The following MTA3 variants were observed in gnomAD, a reference collection of about 807,000 sequenced individuals.
The protein encoded by MTA3 is metastasis associated 1 family member 3, also known as metastasis-associated protein MTA3.
A neutral mutation model predicts 83.5 loss-of-function variants in MTA3; 34 were observed. That is an observed-to-expected ratio of 0.41 (90% CI 0.31 to 0.54). The LOEUF is 0.54. Among genes scored for constraint, MTA3 ranks in the 20% least tolerant of loss-of-function variants. MTA3 has a pLI of 0.33. For synonymous variants in MTA3, 303 were observed against 252.7 expected, an observed-to-expected ratio of 1.20 and a Z score of -1.89; for missense variants, 761 against 726.4, an observed-to-expected ratio of 1.05 and a Z score of -0.55.
At chr2:42,734,863 A>T (rs751858694) in intron 16 of MTA3, among the ~76,000 whole-genome samples, 5 of 152,062 alleles carry the variant, frequency 3.3e-5, no homozygotes, top group Non-Finnish European at 7.4e-5. Context: ...CTACACTTTA[A>T]CTTCATCCCC....
chr2:42,543,196 G>A lies in MTA3; in HGVS notation c.-140-27241G>A, dbSNP rs538744469. ...TCTTAAACAATTTTTTTTGTTTTTT[G>A]AGACAGAGTCTCCCTCTGTCGCCCA... On this transcript the variant is annotated intron_variant, in intron 2 of 17. Transcript: ENST00000405592. 1.3e-3 allele frequency among the ~76,000 whole-genome samples: 190 copies of A among 151,644 alleles called. 2 individuals carry two copies. The Middle Eastern group carries it at 0.014, about 11-fold the overall frequency.
rs969944415 is a variant in MTA3, at chr2:42,755,553, A to T, written c.*2154A>T. 60 of 985,126 alleles carry T rather than the reference A, an allele frequency of 6.1e-5. No homozygotes were observed. Among genetic ancestry groups the T allele is most frequent in the Non-Finnish European group, 1.2e-5 (10 of 829,794 alleles). 61.0% of individuals were successfully genotyped at this position (985,126 alleles called of 1,614,324 possible). The stretch of plus-strand genomic sequence containing the variant: ...CGTGGTTCTGTAGTCCAGTCATCCT[A>T]GGAGGGTGATGTTGACTGAGACTTC... On this transcript the variant is annotated 3_prime_UTR_variant, in exon 17 of 17. Coordinates refer to ENST00000405094, the MANE Select transcript of MTA3 (RefSeq NM_001330442.2).
intron 4 of MTA3, among the ~76,000 whole-genome samples, chr2:42,628,889 G>A (rs1193221152): frequency 6.6e-6 from 1 of 150,578 alleles, no homozygotes; most frequent in African/African-American, 2.4e-5. Context: ...AATATTTTAT[G>A]TGTAAGCAGA....
intron 2 of MTA3, chr2:42,533,061 A>G (rs62144826): frequency 0.34 from 57,977 of 172,648 alleles, 10,327 homozygotes; most frequent in African/African-American, 0.41. Context: ...CACTTTTGCC[A>G]TGGTAACACT....
At position 42,518,804 on chromosome 2, in the gene MTA3, A is replaced by C. The variant is rs547560758; in HGVS notation, c.-141+23550A>C. Among the ~76,000 whole-genome samples the C allele has an allele frequency of 3.3e-4, 50 of 152,126 alleles. No individual in the cohort carries two copies. In the South Asian group the frequency reaches 1.0e-2, roughly 30 times the overall value. On this transcript the variant is annotated intron_variant, in intron 2 of 17. Transcript: ENST00000405592. ...AACATAGGGAGACCTCATCCCTACA[A>C]ATAATTTAAAAATTAGCCAGGCATG... is the stretch of plus-strand genomic sequence containing the variant.
Position 42,753,383 on chromosome 2 carries a change from G to A in MTA3, c.1769G>A (p.Cys590Tyr). The change falls in exon 17 of 17, where the codon TGC becomes TAC. Residue 590 changes from cysteine (C) to tyrosine (Y), a missense_variant. Physicochemically the swap from Cys to Tyr is radical, Grantham distance 194. Coordinates refer to ENST00000405094, the MANE Select transcript of MTA3 (RefSeq NM_001330442.2). ...SHHNGLDELT[C>Y]CVSD ...TACTTCCCTTTTCTAGAACTCACGT[G>A]CTGTGTGTCAGACTGAGCTTTCCCT... The A allele has an allele frequency of 1.3e-6, 2 of 1,550,578 alleles. No individual in the cohort carries two copies. Among genetic ancestry groups the A allele is most frequent in the Non-Finnish European group, 1.7e-6 (2 of 1,146,982 alleles).
chr2:42,505,767 A>G (rs535724706), intron 2 of MTA3, among the ~76,000 whole-genome samples: 1 of 128,832 alleles, frequency 7.8e-6, no homozygotes, highest in Non-Finnish European at 1.6e-5. Context: ...CCACAAATTG[A>G]TAATTTTTTT....
At chr2:42,503,837 C>A (rs1293100654) in intron 2 of MTA3, among the ~76,000 whole-genome samples, 1 of 151,902 alleles carries the variant, frequency 6.6e-6, no homozygotes, top group South Asian at 2.1e-4. Flanking sequence ...TAGCAAGCCC[C>A]CATCATTTAA....
chr2:42,742,068 C>T (rs971578631), intron 16 of MTA3, among the ~76,000 whole-genome samples: 42 of 151,904 alleles, frequency 2.8e-4, no homozygotes, highest in African/African-American at 9.9e-4. Flanking sequence ...TATATGTTTG[C>T]GAATGCATAG....
chr2:42,523,168 C>T (rs1675501268), intron 2 of MTA3, among the ~76,000 whole-genome samples: 1 of 152,044 alleles, frequency 6.6e-6, no homozygotes, highest in Non-Finnish European at 1.5e-5. Flanking sequence ...AATGTATATT[C>T]CTTGAACTTG....
chr2:42,654,038 G>T (rs1688943260), intron 6 of MTA3, among the ~76,000 whole-genome samples: 2 of 152,216 alleles, frequency 1.3e-5, no homozygotes, highest in South Asian at 4.1e-4. Context: ...AATGTTGAGT[G>T]TCTTGTCTTG....
intron 3 of MTA3, among the ~76,000 whole-genome samples, chr2:42,589,537 A>C (rs1680720475): frequency 6.6e-6 from 1 of 152,084 alleles, no homozygotes; most frequent in South Asian, 2.1e-4. Context: ...TACATCTGTA[A>C]GGTAACCACC....
chr2:42,628,955 A>G (rs533519925), intron 4 of MTA3, among the ~76,000 whole-genome samples: 5 of 152,282 alleles, frequency 3.3e-5, no homozygotes, highest in South Asian at 2.1e-4. Flanking sequence ...TAGTCGGTAG[A>G]TGGGAGTAGA....
chr2:42,579,222 A>T (rs765815844), intron 3 of MTA3, 22 bp downstream of exon 3: 2 of 1,528,870 alleles, frequency 1.3e-6, no homozygotes, highest in Non-Finnish European at 1.8e-6. Context: ...TTCTCTGATT[A>T]AAAAAACGTT....
rs555810822 is a variant in MTA3, at chr2:42,592,023, G to A, written c.190+12823G>A. Among the ~76,000 whole-genome samples, 8 of 152,286 alleles carry A rather than the reference G, an allele frequency of 5.3e-5. No individual in the cohort carries two copies. The East Asian group carries it at 5.8e-4, about 11-fold the overall frequency. On this transcript the variant is annotated intron_variant, in intron 3 of 16. Transcript: ENST00000405094. ...TCACGCCTGTAATCCCAGCACTTTG[G>A]GGGGCTGAGGCTGGCAGATTGCTTG... is the stretch of plus-strand genomic sequence containing the variant.
chr2:42,712,788 A>T (rs1048735925), intron 14 of MTA3: 1 of 152,332 alleles, frequency 6.6e-6, no homozygotes, highest in South Asian at 2.1e-4. Flanking sequence ...GATATGGGGA[A>T]GATAATCATG....
At chr2:42,572,398 A>C (rs1420141982) in intron 2 of MTA3, among the ~76,000 whole-genome samples, 2 of 151,984 alleles carry the variant, frequency 1.3e-5, no homozygotes, top group Admixed American at 1.3e-4. Context: ...AGCCTGGGTA[A>C]CATAGGGAAA....
At chr2:42,650,717 C>T (rs1688642685) in intron 6 of MTA3, among the ~76,000 whole-genome samples, 1 of 152,178 alleles carries the variant, frequency 6.6e-6, no homozygotes, top group South Asian at 2.1e-4. Context: ...GCATGAGCCA[C>T]CGCACCCTTG....
chr2:42,637,649 A>G (rs561032263), intron 4 of MTA3, among the ~76,000 whole-genome samples: 1 of 152,306 alleles, frequency 6.6e-6, no homozygotes, highest in Admixed American at 6.5e-5. Flanking sequence ...TGAAAATTGT[A>G]AATGTTAGAT....
Sources: allele counts gnomAD v4.1 joint callset (sites outside exome capture counted in the v4.1 genomes callset), GRCh38; gene constraint gnomAD v4.1.1; transcripts MANE v1.5; gene names NCBI Gene and HGNC (gene_info 2026-07-23, HGNC 2026-07-21).